The following MAML3 variants were observed in gnomAD, a reference collection of about 807,000 sequenced individuals.
MAML3 encodes the protein mastermind-like protein 3.
A neutral mutation model predicts 101.9 loss-of-function variants in MAML3; 27 were observed. The ratio of observed to expected loss-of-function variants is 0.27; its 90% CI spans 0.20 to 0.37. The LOEUF is 0.37. Among genes scored for constraint, MAML3 ranks in the 10% least tolerant of loss-of-function variants. The pLI is 1.00. For missense variants in MAML3, 1,316 were observed against 1,444.9 expected, an observed-to-expected ratio of 0.91 and a Z score of 1.45; for synonymous variants, 501 against 555.9, an observed-to-expected ratio of 0.90 and a Z score of 1.39.
At chr4:140,133,573 A>T (rs1269353257) in intron 1 of MAML3, among the ~76,000 whole-genome samples, 1 of 152,136 alleles carries the variant, frequency 6.6e-6, no homozygotes, top group African/African-American at 2.4e-5. Context: ...ATTATAATAC[A>T]AATCACATGG....
intron 2 of MAML3, among the ~76,000 whole-genome samples, chr4:139,867,408 G>C (rs1423337990): frequency 6.6e-6 from 1 of 152,228 alleles, no homozygotes; most frequent in Admixed American, 6.5e-5. Flanking sequence ...TAAGGTTCTA[G>C]GAAAGTAATT....
intron 2 of MAML3, among the ~76,000 whole-genome samples, chr4:139,863,922 A>C (rs28582417): frequency 6.7e-6 from 1 of 149,792 alleles, no homozygotes; most frequent in Non-Finnish European, 1.5e-5. Context: ...AAATTTGAAC[A>C]AACTGCAAGA....
chr4:140,004,552 G>A (rs1200923557), intron 1 of MAML3, among the ~76,000 whole-genome samples: 1 of 152,130 alleles, frequency 6.6e-6, no homozygotes, highest in Non-Finnish European at 1.5e-5. Context: ...AGGGGGCAGG[G>A]GAGAGTAGTG....
rs9760258 is a variant in MAML3 at position 140,074,189 on chromosome 4, G to A, written c.468+78671C>T. Reference sequence around the variant, plus strand: ...AAGGAAAGAAAGAAAGAGAGAGAGAGAGAAAGAAAGAGAAAGAAAGAAAGA... The same window carrying A: ...AAGGAAAGAAAGAAAGAGAGAGAGAAAGAAAGAAAGAGAAAGAAAGAAAGA... On this transcript the variant is annotated intron_variant, in intron 1 of 4. Coordinates refer to ENST00000509479, the MANE Select transcript of MAML3 (RefSeq NM_018717.5). 5.1e-5 allele frequency among the ~76,000 whole-genome samples: 6 copies of A among 117,706 alleles called. No individual in the cohort carries two copies. The South Asian group carries it at 8.6e-4, about 17-fold the overall frequency. The allele number at this position is 117,706 out of a possible 152,430, so 77.2% of individuals were successfully genotyped here. A position where few individuals can be genotyped will look rare whatever the true frequency, so the allele number is the denominator to read the frequency against.
chr4:139,889,289 C>T, intron 2 of MAML3, 68 bp downstream of exon 2: 1 of 1,612,710 alleles, frequency 6.2e-7, no homozygotes, highest in South Asian at 1.1e-5. Flanking sequence ...GCTTGTAGAA[C>T]ATCACACATC....
At chr4:139,972,642 A>G (rs1734251298) in intron 1 of MAML3, among the ~76,000 whole-genome samples, 1 of 152,254 alleles carries the variant, frequency 6.6e-6, no homozygotes. Context: ...GTTCCATATC[A>G]TAATTGTGAT....
At position 139,719,066 on chromosome 4, in the gene MAML3, T is replaced by C. The variant is rs1461253861; in HGVS notation, c.*257A>G. ...CTCTGGCCGGCTTCATCTTCCCACC[T>C]GCTCCTCCGGGTGTCTCCCTCTCTC... On this transcript the variant is annotated 3_prime_UTR_variant, in exon 5 of 5. Transcript: ENST00000509479. 2 of 454,646 alleles carry C rather than the reference T, an allele frequency of 4.4e-6. No homozygotes were observed. The highest frequency in any genetic ancestry group is 7.7e-6 in the Non-Finnish European group (2 of 258,358). 28.2% of individuals were successfully genotyped at this position (454,646 alleles called of 1,614,324 possible). A position where few individuals can be genotyped will look rare whatever the true frequency, so the allele number is the denominator to read the frequency against.
chr4:140,023,593 T>C (rs1044810084), intron 1 of MAML3, among the ~76,000 whole-genome samples: 6 of 152,234 alleles, frequency 3.9e-5, no homozygotes, highest in African/African-American at 1.4e-4. Context: ...CAAGCTTATA[T>C]TTGTTCTTTC....
chr4:140,097,802 A>T (rs1172190689), intron 1 of MAML3, among the ~76,000 whole-genome samples: 3 of 152,206 alleles, frequency 2.0e-5, no homozygotes, highest in African/African-American at 7.2e-5. Flanking sequence ...GGAAGTGAAG[A>T]CTTTTAACCA....
intron 2 of MAML3, among the ~76,000 whole-genome samples, chr4:139,883,596 A>C (rs1732263344): frequency 6.6e-6 from 1 of 152,156 alleles, no homozygotes; most frequent in East Asian, 1.9e-4. Flanking sequence ...TAGTATAAGT[A>C]GCTGCACCCC....
intron 2 of MAML3, among the ~76,000 whole-genome samples, chr4:139,762,492 C>T (rs1729776503): frequency 6.6e-6 from 1 of 152,194 alleles, no homozygotes; most frequent in East Asian, 1.9e-4. Flanking sequence ...CTGATTAATA[C>T]ATTTTGATGA....
intron 2 of MAML3, among the ~76,000 whole-genome samples, chr4:139,886,110 T>C (rs932096236): frequency 1.3e-4 from 19 of 151,926 alleles, no homozygotes; most frequent in Admixed American, 9.8e-4. Context: ...TTTCTAGGAA[T>C]GAGAACATGG....
intron 1 of MAML3, among the ~76,000 whole-genome samples, chr4:140,023,781 C>T (rs1387301685): frequency 6.6e-6 from 1 of 152,226 alleles, no homozygotes; most frequent in Non-Finnish European, 1.5e-5. Flanking sequence ...ACTTGAAATG[C>T]TGTTAATTCT....
intron 1 of MAML3, among the ~76,000 whole-genome samples, chr4:139,891,484 G>T (rs528092129): frequency 6.6e-6 from 1 of 152,168 alleles, no homozygotes; most frequent in East Asian, 1.9e-4. Context: ...CACCCTGTTG[G>T]CTAGGCTGAT....
intron 1 of MAML3, among the ~76,000 whole-genome samples, chr4:139,963,639 G>T (rs991566559): frequency 3.3e-5 from 5 of 152,320 alleles, no homozygotes; most frequent in Admixed American, 6.5e-5. Flanking sequence ...TTAGCTCAGA[G>T]AATCCCAATA....
At chr4:139,728,237 G>A (rs977293771) in intron 3 of MAML3, among the ~76,000 whole-genome samples, 2 of 152,032 alleles carry the variant, frequency 1.3e-5, no homozygotes, top group African/African-American at 4.8e-5. Flanking sequence ...ACAAAAAAAA[G>A]TTGAGCACTT....
At chr4:139,911,257 G>T (rs1732915442) in intron 1 of MAML3, among the ~76,000 whole-genome samples, 1 of 148,144 alleles carries the variant, frequency 6.8e-6, no homozygotes, top group African/African-American at 2.5e-5. Context: ...TTGCTCTGTT[G>T]CCCAGGCTGC....
At chr4:139,796,050 ATG>A (rs1730506711) in intron 2 of MAML3, among the ~76,000 whole-genome samples, 1 of 152,198 alleles carries the variant, frequency 6.6e-6, no homozygotes, top group Non-Finnish European at 1.5e-5. Context: ...CTCTTGGGCA[ATG>A]TGAGGTCAGG....
intron 2 of MAML3, among the ~76,000 whole-genome samples, chr4:139,746,610 C>T (rs370523678): frequency 3.9e-5 from 6 of 152,160 alleles, no homozygotes; most frequent in African/African-American, 7.2e-5. Flanking sequence ...TCTCGCTCTG[C>T]GGGCCCCTCG....
Sources: allele counts gnomAD v4.1 joint callset (sites outside exome capture counted in the v4.1 genomes callset), GRCh38; gene constraint gnomAD v4.1.1; transcripts MANE v1.5; gene names NCBI Gene and HGNC (gene_info 2026-07-23, HGNC 2026-07-21).